TMPRSS9: variants seen among roughly 807,000 people sequenced by gnomAD.
The protein encoded by TMPRSS9 is transmembrane serine protease 9, also known as transmembrane protease serine 9.
TMPRSS9 carries 113 observed loss-of-function variants against 111.4 expected under a neutral mutation model. The ratio of observed to expected loss-of-function variants is 1.01; its 90% CI spans 0.87 to 1.19. The LOEUF (loss-of-function observed/expected upper bound fraction) is 1.19. TMPRSS9 is among the 50% of genes most tolerant of loss of function. The probability of loss-of-function intolerance (pLI) is 0.00; values close to 1 mark genes in which losing one functional copy is unlikely to be tolerated. For synonymous variants in TMPRSS9, 805 were observed against 659.1 expected, an observed-to-expected ratio of 1.22 and a Z score of -3.39; for missense variants, 1,803 against 1,513.1, an observed-to-expected ratio of 1.19 and a Z score of -3.18.
At chr19:2,391,798 G>A (rs9304893) in intron 1 of TMPRSS9, among the ~76,000 whole-genome samples, 143,004 of 149,208 alleles carry the variant, frequency 0.96, 68,576 homozygotes, top group East Asian at 1. Flanking sequence ...ACAGAGTGCA[G>A]TGGCACAATC....
intron 1 of TMPRSS9, among the ~76,000 whole-genome samples, chr19:2,394,994 C>T (rs1465157281): frequency 6.6e-6 from 1 of 152,220 alleles, no homozygotes; most frequent in Non-Finnish European, 1.5e-5. Flanking sequence ...AAAACCAGTG[C>T]TTTCTGCCTG....
In TMPRSS9 at chr19:2,424,107, C is replaced by T. The variant is rs774844999; in HGVS notation, c.2567C>T (p.Ala856Val). ...CCCGCAGACTGTGGCCTGGCGCCGGCCGCGCTCACCAGGATTGTGGGCGGC... is the reference window on the plus strand; with the variant it reads ...CCCGCAGACTGTGGCCTGGCGCCGGTCGCGCTCACCAGGATTGTGGGCGGC... The change falls in exon 15 of 18, where the codon GCC becomes GTC. Residue 856 changes from alanine to valine, a missense_variant. By Grantham distance (64) the Ala-to-Val change is moderately conservative (BLOSUM62 0). Transcript: ENST00000648592. The T allele has an allele frequency of 2.3e-6, 3 of 1,325,182 alleles. No homozygotes were observed. In the East Asian group the frequency reaches 9.2e-5, roughly 41 times the overall value. The allele number at this position is 1,325,182 out of a possible 1,614,324, so 82.1% of individuals were successfully genotyped here. A position where few individuals can be genotyped will look rare whatever the true frequency, so the allele number is the denominator to read the frequency against.
At chr19:2,391,538 G>A (rs1037678832) in intron 1 of TMPRSS9, among the ~76,000 whole-genome samples, 5 of 151,782 alleles carry the variant, frequency 3.3e-5, no homozygotes, top group Admixed American at 1.3e-4. Flanking sequence ...TGGTGCACAC[G>A]TGTTCATTTG....
At chr19:2,396,628 G>T (rs1454247065) in exon 2 of TMPRSS9, 1 of 1,604,536 alleles carries the variant, frequency 6.2e-7, no homozygotes, top group Admixed American at 1.7e-5. Context: ...GGAGACCTCG[G>T]ACTATCACCG....
chr19:2,405,854 C>T (rs1393186483), intron 7 of TMPRSS9, among the ~76,000 whole-genome samples: 3 of 149,856 alleles, frequency 2.0e-5, no homozygotes, highest in South Asian at 2.1e-4. Flanking sequence ...TACAGGCGCC[C>T]GCCACCACGC....
chr19:2,366,430 T>C lies in TMPRSS9; in HGVS notation c.-26+6070T>C, dbSNP rs1002238116. Among the ~76,000 whole-genome samples the C allele has an allele frequency of 2.6e-5, 4 of 152,246 alleles. No homozygotes were observed. The South Asian group carries it at 6.2e-4, about 24-fold the overall frequency. On this transcript the variant is annotated intron_variant, in intron 1 of 17. Transcript: ENST00000649857. ...TGTGTATTAGTTTTTGGTTACTGCA[T>C]AACAAATGTCTCTCAAATTTAGCCA...
intron 1 of TMPRSS9, among the ~76,000 whole-genome samples, chr19:2,373,269 C>T (rs146571718): frequency 0.032 from 4,938 of 152,250 alleles, 292 homozygotes; most frequent in African/African-American, 0.11. Context: ...CTCACTCTGT[C>T]GCCCAGGCCG....
At position 2,410,316 on chromosome 19, in the gene TMPRSS9, T is replaced by A. The variant is rs749099121; in HGVS notation, c.1176T>A (p.Cys392Ter). Residue 392 changes from cysteine (C) to a stop codon, truncating the protein, a stop_gained, in exon 9 of 18, where the codon TGT (cysteine) becomes TGA (stop). Coordinates refer to ENST00000648592, the Ensembl canonical transcript of TMPRSS9. LOFTEE classifies it high-confidence loss of function. ...TGGAGCTGCTGGACCAGGCACTGTG[T>A]GCCAGCTTGTACGGCCATTCACTCA... The A allele has an allele frequency of 6.2e-7, 1 of 1,614,084 alleles. No homozygotes were observed. The highest frequency in any genetic ancestry group is 1.7e-5 in the Admixed American group (1 of 59,994).
exon 6 of TMPRSS9, chr19:2,403,097 A>G: frequency 6.2e-7 from 1 of 1,610,836 alleles, no homozygotes; most frequent in Non-Finnish European, 8.5e-7. Flanking sequence ...TGTCCAGGGA[A>G]CTCCTTTTCC....
intron 1 of TMPRSS9, among the ~76,000 whole-genome samples, chr19:2,362,523 G>A (rs1043862065): frequency 6.6e-6 from 1 of 152,008 alleles, no homozygotes; most frequent in Non-Finnish European, 1.5e-5. Context: ...ATTGCATGAT[G>A]AGAATTGCAT....
Position 2,418,092 on chromosome 19 carries a change from G to A in TMPRSS9, c.2108G>A (p.Arg703His), listed in dbSNP as rs754879225. ...CTCTACAACTTCTCCCTCACAGACC[G>A]CATGATCTGCGCAGGCTTCCTGGAA... Residue 703 changes from arginine (R) to histidine (H), a missense_variant, in exon 13 of 18, where the codon CGC becomes CAC. Coordinates refer to ENST00000648592, the Ensembl canonical transcript of TMPRSS9. The A allele has an allele frequency of 8.1e-6, 13 of 1,612,284 alleles. No individual in the cohort carries two copies. Among genetic ancestry groups the A allele is most frequent in the South Asian group, 6.6e-5 (6 of 91,088 alleles).
intron 5 of TMPRSS9, among the ~76,000 whole-genome samples, chr19:2,402,729 ACT>A (rs1223132359): frequency 6.6e-6 from 1 of 151,966 alleles, no homozygotes; most frequent in Non-Finnish European, 1.5e-5. Flanking sequence ...CAAGAGTGAA[ACT>A]CTGTCTCAAA....
At chr19:2,394,952 T>C (rs559135930) in intron 1 of TMPRSS9, among the ~76,000 whole-genome samples, 1 of 152,312 alleles carries the variant, frequency 6.6e-6, no homozygotes, top group East Asian at 1.9e-4. Flanking sequence ...TTGCTGTACT[T>C]TGTACTTTGG....
intron 17 of TMPRSS9, 128 bp downstream of exon 18, chr19:2,425,621 G>A (rs1052370020): frequency 2.2e-6 from 3 of 1,374,620 alleles, no homozygotes; most frequent in Non-Finnish European, 2.8e-6. Context: ...GATCAAGCAG[G>A]GAGCCTTTTT....
At chr19:2,409,138 G>A (rs975806204) in intron 8 of TMPRSS9, among the ~76,000 whole-genome samples, 8 of 144,302 alleles carry the variant, frequency 5.5e-5, no homozygotes, top group Non-Finnish European at 9.0e-5. Context: ...ATGCTACTGC[G>A]ATTTTTTTTT....
chr19:2,394,785 C>G (rs1314710267), intron 1 of TMPRSS9, among the ~76,000 whole-genome samples: 3 of 128,186 alleles, frequency 2.3e-5, no homozygotes, highest in African/African-American at 6.3e-5. Context: ...TAATTACGGC[C>G]ATTTTTTTTG....
chr19:2,382,012 T>G (rs762011812), intron 1 of TMPRSS9, among the ~76,000 whole-genome samples: 1 of 150,014 alleles, frequency 6.7e-6, no homozygotes, highest in Non-Finnish European at 1.5e-5. Flanking sequence ...CCAGCTAATT[T>G]TGTATTTTTA....
chr19:2,425,361 C>T, exon 17 of TMPRSS9: 1 of 1,513,496 alleles, frequency 6.6e-7, no homozygotes, highest in Non-Finnish European at 8.8e-7. Flanking sequence ...CCGCAGGCTC[C>T]ATGGCGCGGC....
intron 1 of TMPRSS9, among the ~76,000 whole-genome samples, chr19:2,378,074 C>A: frequency 6.6e-6 from 1 of 151,996 alleles, no homozygotes; most frequent in East Asian, 1.9e-4. Context: ...GAGATGGGGT[C>A]TCACTATGTT....
Sources: allele counts gnomAD v4.1 joint callset (sites outside exome capture counted in the v4.1 genomes callset), GRCh38; gene constraint gnomAD v4.1.1; transcripts MANE v1.5; gene names NCBI Gene and HGNC (gene_info 2026-07-23, HGNC 2026-07-21).